Variants in DAB1 observed in about 807,000 individuals in gnomAD.
DAB1 encodes disabled homolog 1.
A neutral mutation model predicts 64.6 loss-of-function variants in DAB1; 15 were observed. That is an observed-to-expected ratio of 0.23 (90% CI 0.16 to 0.36). The LOEUF (loss-of-function observed/expected upper bound fraction) is 0.36. Ranked by LOEUF, DAB1 falls within the 10% of genes least tolerant of loss-of-function variation. The pLI is 1.00. For synonymous variants in DAB1, 235 were observed against 251.9 expected, an observed-to-expected ratio of 0.93 and a Z score of 0.64; for missense variants, 596 against 706.7, an observed-to-expected ratio of 0.84 and a Z score of 1.78.
intron 3 of DAB1, among the ~76,000 whole-genome samples, chr1:58,458,726 C>T (rs965859116): frequency 1.3e-5 from 2 of 152,090 alleles, no homozygotes; most frequent in African/African-American, 4.8e-5. Context: ...ATCGCTTGAA[C>T]CCAGGAGGTG....
chr1:57,394,957 C>A (rs12092706), intron 1 of DAB1, among the ~76,000 whole-genome samples: 54,748 of 152,094 alleles, frequency 0.36, 10,388 homozygotes, highest in Non-Finnish European at 0.43. Flanking sequence ...GAAAGGATAT[C>A]ATCATTAAAA....
At chr1:57,413,743 C>CAAAAAAAAAAAAAAAAAAAAAAAAAAA in intron 1 of DAB1, among the ~76,000 whole-genome samples, 1 of 64,510 alleles carries the variant, frequency 1.6e-5, no homozygotes, top group Non-Finnish European at 3.2e-5. Flanking sequence ...GACTCTGTCT[C>CAAAAAAAAAAAAAAAAAAAAAAAAAAA]AAAAAAAAAA....
chr1:58,115,129 A>T (rs1456978004), intron 5 of DAB1, among the ~76,000 whole-genome samples: 1 of 134,380 alleles, frequency 7.4e-6, no homozygotes, highest in Non-Finnish European at 1.6e-5. Context: ...ATGAACTCAA[A>T]CAAATTTACA....
chr1:58,158,200 A>T (rs1262611388), intron 4 of DAB1, among the ~76,000 whole-genome samples: 1 of 152,086 alleles, frequency 6.6e-6, no homozygotes, highest in Non-Finnish European at 1.5e-5. Flanking sequence ...ACAGACCCAA[A>T]CAGAGCTCAG....
chr1:58,198,521 C>T (rs866940724), intron 4 of DAB1, among the ~76,000 whole-genome samples: 2 of 152,212 alleles, frequency 1.3e-5, no homozygotes, highest in Non-Finnish European at 1.5e-5. Flanking sequence ...AAGGTCATTA[C>T]ATATTGGCTG....
intron 2 of DAB1, among the ~76,000 whole-genome samples, chr1:57,218,533 A>AAAAC (rs1666607555): frequency 1.4e-5 from 2 of 146,168 alleles, no homozygotes; most frequent in Non-Finnish European, 3.0e-5. Flanking sequence ...AAAAAAAAAA[A>AAAAC]AAAAAAAAAA....
intron 4 of DAB1, among the ~76,000 whole-genome samples, chr1:58,215,279 G>GC (rs1339398399): frequency 6.6e-6 from 1 of 151,990 alleles, no homozygotes; most frequent in Non-Finnish European, 1.5e-5. Context: ...TGCAAGGCTA[G>GC]CTCCTTCTTG....
At chr1:58,446,902 C>T (rs191516728) in intron 3 of DAB1, among the ~76,000 whole-genome samples, 23 of 152,290 alleles carry the variant, frequency 1.5e-4, no homozygotes, top group Non-Finnish European at 2.5e-4. Context: ...GGCTTGTTTC[C>T]GAAATACTCC....
At chr1:58,069,245 T>C (rs1205180297) in intron 5 of DAB1, among the ~76,000 whole-genome samples, 2 of 152,232 alleles carry the variant, frequency 1.3e-5, no homozygotes, top group Non-Finnish European at 2.9e-5. Flanking sequence ...GCTTACTGTA[T>C]ACCAGGCACT....
intron 2 of DAB1, among the ~76,000 whole-genome samples, chr1:57,285,248 A>G (rs540363251): frequency 2.0e-5 from 3 of 151,876 alleles, no homozygotes; most frequent in African/African-American, 7.2e-5. Flanking sequence ...TACTCACAGT[A>G]TCTCCCTCAC....
chr1:57,482,283 A>G (rs1324179567), intron 7 of DAB1, among the ~76,000 whole-genome samples: 1 of 152,104 alleles, frequency 6.6e-6, no homozygotes, highest in Non-Finnish European at 1.5e-5. Context: ...CTGAATTTGA[A>G]ATGACATTTT....
intron 4 of DAB1, among the ~76,000 whole-genome samples, chr1:57,109,529 T>A (rs550157671): frequency 6.6e-6 from 1 of 152,194 alleles, no homozygotes; most frequent in Admixed American, 6.5e-5. Context: ...AGAAGCAGCT[T>A]TGCAATGTGG....
intron 4 of DAB1, among the ~76,000 whole-genome samples, chr1:58,283,637 G>T (rs1022612088): frequency 6.6e-6 from 1 of 152,102 alleles, no homozygotes; most frequent in Non-Finnish European, 1.5e-5. Flanking sequence ...CAGTTTCCTC[G>T]GCTGTAAAAC....
At chr1:58,445,834 C>T (rs1248363558) in intron 3 of DAB1, among the ~76,000 whole-genome samples, 1 of 152,202 alleles carries the variant, frequency 6.6e-6, no homozygotes, top group Non-Finnish European at 1.5e-5. Context: ...GAGACTTCAT[C>T]ACCTCCACTC....
intron 7 of DAB1, among the ~76,000 whole-genome samples, chr1:57,603,074 G>C (rs985145374): frequency 1.3e-5 from 2 of 152,170 alleles, no homozygotes; most frequent in African/African-American, 4.8e-5. Context: ...CTGGGTTCAA[G>C]CGAGTCTCCT....
chr1:57,343,002 ACTGCTGGCTCGGGC>A (rs1677743597), intron 1 of DAB1, among the ~76,000 whole-genome samples: 1 of 151,438 alleles, frequency 6.6e-6, no homozygotes, highest in African/African-American at 2.4e-5. Flanking sequence ...GCGGGTTGCC[ACTGCTGGCTCGGGC>A]AGCCTGCTTT....
intron 5 of DAB1, among the ~76,000 whole-genome samples, chr1:57,988,215 G>C (rs1405805895): frequency 6.6e-6 from 1 of 152,174 alleles, no homozygotes; most frequent in Admixed American, 6.5e-5. Context: ...TCCAGACTGA[G>C]CTTGCCAGGG....
intron 7 of DAB1, among the ~76,000 whole-genome samples, chr1:57,569,469 C>T (rs1645166590): frequency 6.6e-6 from 1 of 152,026 alleles, no homozygotes; most frequent in African/African-American, 2.4e-5. Context: ...CCATCATTCT[C>T]AGCAAACAAT....
At chr1:58,300,618 G>GAAAGAAAGAA (rs1557726106) in intron 4 of DAB1, among the ~76,000 whole-genome samples, 3 of 42,580 alleles carry the variant, frequency 7.0e-5, no homozygotes, top group African/African-American at 2.4e-4. Flanking sequence ...GAAAGAGAGA[G>GAAAGAAAGAA]AGAGAGAGAG....
Sources: gnomAD v4.1 joint callset for allele counts (sites outside exome capture counted in the v4.1 genomes callset) on GRCh38, gnomAD v4.1.1 for gene constraint, MANE v1.5 for transcripts, NCBI Gene and HGNC (gene_info 2026-07-23, HGNC 2026-07-21) for gene names.